The following LRMDA variants were observed in gnomAD, a reference collection of about 807,000 sequenced individuals.
LRMDA encodes leucine-rich melanocyte differentiation-associated protein.
In LRMDA, 18 loss-of-function variants were observed where a neutral mutation model predicts 29.8. That is an observed-to-expected ratio of 0.60 (90% CI 0.42 to 0.90). LRMDA has a LOEUF of 0.90. LRMDA is among the 40% of genes least tolerant of loss of function. The pLI, the probability that LRMDA is intolerant of heterozygous loss-of-function variation, is 0.00. For missense variants in LRMDA, 273 were observed against 273.9 expected (o/e 1.00, Z 0.02); for synonymous variants, 125 against 109.4 (o/e 1.14, Z -0.89).
intron 5 of LRMDA, among the ~76,000 whole-genome samples, chr10:76,277,258 A>T (rs1840147524): frequency 6.6e-6 from 1 of 152,202 alleles, no homozygotes; most frequent in Non-Finnish European, 1.5e-5. Flanking sequence ...CACATTAAAA[A>T]AGAACAATAA....
chr10:75,507,517 C>T (rs1407250079), intron 2 of LRMDA, among the ~76,000 whole-genome samples: 1 of 152,134 alleles, frequency 6.6e-6, no homozygotes, highest in Non-Finnish European at 1.5e-5. Flanking sequence ...GTTGAAGTCA[C>T]CCAGAGAGAC....
chr10:75,565,381 A>C (rs921292327), intron 2 of LRMDA, among the ~76,000 whole-genome samples: 2 of 152,056 alleles, frequency 1.3e-5, no homozygotes, highest in Middle Eastern at 3.2e-3. Flanking sequence ...CCATTCATGG[A>C]GGGTGCCTAC....
At chr10:75,985,516 G>C (rs1273391597) in intron 2 of LRMDA, among the ~76,000 whole-genome samples, 1 of 152,164 alleles carries the variant, frequency 6.6e-6, no homozygotes, top group Non-Finnish European at 1.5e-5. Context: ...ACTCCACAAG[G>C]CTTTCATATT....
At chr10:76,187,817 C>T (rs774408141) in intron 5 of LRMDA, among the ~76,000 whole-genome samples, 4 of 152,140 alleles carry the variant, frequency 2.6e-5, no homozygotes, top group Non-Finnish European at 4.4e-5. Flanking sequence ...TCACTGAAGA[C>T]TTGAAAACCT....
At chr10:76,407,885 G>A (rs959402049) in intron 6 of LRMDA, among the ~76,000 whole-genome samples, 9 of 152,116 alleles carry the variant, frequency 5.9e-5, no homozygotes, top group Non-Finnish European at 1.5e-5. Flanking sequence ...TATTAAGAAG[G>A]GCAGTATGTT....
At chr10:76,439,485 C>T (rs1358269615) in intron 6 of LRMDA, among the ~76,000 whole-genome samples, 2 of 152,150 alleles carry the variant, frequency 1.3e-5, no homozygotes, top group South Asian at 4.1e-4. Context: ...ACTGCTTGAT[C>T]CTTAGCAGGG....
intron 2 of LRMDA, among the ~76,000 whole-genome samples, chr10:75,829,606 T>C (rs1449907052): frequency 6.6e-6 from 1 of 152,098 alleles, no homozygotes; most frequent in Non-Finnish European, 1.5e-5. Context: ...TCCTGTTTTT[T>C]CCCTTAGAAT....
At chr10:75,757,037 T>C (rs1025645761) in intron 2 of LRMDA, among the ~76,000 whole-genome samples, 1 of 152,222 alleles carries the variant, frequency 6.6e-6, no homozygotes, top group African/African-American at 2.4e-5. Flanking sequence ...ATGGTTTCAA[T>C]AGGAATTTAC....
chr10:76,275,319 A>C (rs1351313903), intron 5 of LRMDA, among the ~76,000 whole-genome samples: 3 of 151,822 alleles, frequency 2.0e-5, no homozygotes, highest in South Asian at 4.1e-4. Flanking sequence ...TTAGTAACTT[A>C]ATTAAGATTT....
chr10:76,551,317 C>G (rs759066571), intron 6 of LRMDA, among the ~76,000 whole-genome samples: 30 of 151,528 alleles, frequency 2.0e-4, no homozygotes, highest in Non-Finnish European at 3.0e-4. Flanking sequence ...CAGAGTGTTT[C>G]AAATGTCTGA....
intron 2 of LRMDA, among the ~76,000 whole-genome samples, chr10:75,567,304 T>A (rs1007844059): frequency 6.6e-6 from 1 of 152,186 alleles, no homozygotes; most frequent in Non-Finnish European, 1.5e-5. Context: ...TTTCCAATAT[T>A]CCCTGCAAGT....
rs115126630 is a variant in LRMDA, at chr10:75,840,607, T to C, written c.132-195401T>C. Among the ~76,000 whole-genome samples the C allele has an allele frequency of 6.4e-3, 969 of 152,332 alleles. 17 individuals are homozygous for C. The highest frequency in any genetic ancestry group is 0.022 in the African/African-American group (915 of 41,570). On this transcript the variant is annotated intron_variant, in intron 2 of 6. Coordinates refer to ENST00000611255, the MANE Select transcript of LRMDA (RefSeq NM_001305581.2). ...CGAGTGAGCACGCACGTGTGTTGTA[T>C]GTATCTGTTCATTTTCAGACCAAAC...
intron 2 of LRMDA, among the ~76,000 whole-genome samples, chr10:75,925,276 C>T (rs1846101000): frequency 1.3e-5 from 2 of 152,124 alleles, no homozygotes; most frequent in African/African-American, 2.4e-5. Context: ...ATACTCCTGG[C>T]GGTGAGGTTA....
chr10:76,229,338 G>T (rs11594205), intron 5 of LRMDA, among the ~76,000 whole-genome samples: 1 of 152,216 alleles, frequency 6.6e-6, no homozygotes, highest in Non-Finnish European at 1.5e-5. Flanking sequence ...GGAGAGAGTA[G>T]TGGGGGTCTG....
intron 2 of LRMDA, among the ~76,000 whole-genome samples, chr10:75,600,263 T>G (rs887042814): frequency 6.6e-6 from 1 of 152,172 alleles, no homozygotes; most frequent in African/African-American, 2.4e-5. Flanking sequence ...TCCAACACCT[T>G]GCGTGTGAAG....
chr10:75,914,745 G>T (rs1463026618), intron 2 of LRMDA, among the ~76,000 whole-genome samples: 3 of 152,048 alleles, frequency 2.0e-5, no homozygotes, highest in Non-Finnish European at 2.9e-5. Flanking sequence ...ATGTGTATTT[G>T]GTTTCTTAAT....
intron 5 of LRMDA, among the ~76,000 whole-genome samples, chr10:76,283,799 C>G (rs1210484610): frequency 6.6e-6 from 1 of 152,102 alleles, no homozygotes; most frequent in African/African-American, 2.4e-5. Context: ...CACCCCACAG[C>G]CTGTGTTCTT....
intron 2 of LRMDA, among the ~76,000 whole-genome samples, chr10:75,881,308 C>A (rs1845289269): frequency 6.6e-6 from 1 of 152,134 alleles, no homozygotes; most frequent in East Asian, 1.9e-4. Flanking sequence ...ATTATAAAAT[C>A]ACTCACATAA....
intron 2 of LRMDA, among the ~76,000 whole-genome samples, chr10:75,564,988 T>C (rs946126388): frequency 6.6e-6 from 1 of 152,232 alleles, no homozygotes; most frequent in African/African-American, 2.4e-5. Context: ...GATCATGTGG[T>C]CTTTTTATTT....
Sources: gnomAD v4.1 joint callset for allele counts (sites outside exome capture counted in the v4.1 genomes callset) on GRCh38, gnomAD v4.1.1 for gene constraint, MANE v1.5 for transcripts, NCBI Gene and HGNC (gene_info 2026-07-23, HGNC 2026-07-21) for gene names.